Variants in CSNK2A2IP observed in about 807,000 individuals in gnomAD.
CSNK2A2IP encodes the protein casein kinase 2 subunit alpha' interacting protein.
chr3:88,421,251 G>A, the CSNK2A2IP span, among the ~76,000 whole-genome samples: 2 of 151,892 alleles, frequency 1.3e-5, no homozygotes, highest in African/African-American at 2.4e-5. Context: ...TCCATGTCTT[G>A]GCTTCTTCAT....
At chr3:88,375,225 T>A in the CSNK2A2IP span, among the ~76,000 whole-genome samples, 1 of 151,684 alleles carries the variant, frequency 6.6e-6, no homozygotes, top group Non-Finnish European at 1.5e-5. Flanking sequence ...GAAAATCTGT[T>A]CAATAAAAAG....
chr3:88,424,090 G>A, the CSNK2A2IP span, among the ~76,000 whole-genome samples: 1 of 151,950 alleles, frequency 6.6e-6, no homozygotes. Context: ...TGATATTCAG[G>A]GAATCTCAAC....
chr3:88,370,625 TTTCTTTC>T, the CSNK2A2IP span, among the ~76,000 whole-genome samples: 1 of 151,290 alleles, frequency 6.6e-6, no homozygotes, highest in Non-Finnish European at 1.5e-5. Context: ...TCTTTCTTTC[TTTCTTTC>T]TTTTCTCTCT....
the CSNK2A2IP span, among the ~76,000 whole-genome samples, chr3:88,441,308 T>G: frequency 1.3e-5 from 2 of 152,184 alleles, no homozygotes; most frequent in Non-Finnish European, 2.9e-5. Flanking sequence ...TACTCCATAT[T>G]TCTACTCAAA....
chr3:88,449,348 A>T, the CSNK2A2IP span, among the ~76,000 whole-genome samples: 3 of 152,284 alleles, frequency 2.0e-5, no homozygotes, highest in Non-Finnish European at 4.4e-5. Context: ...AGTGTGCAAA[A>T]TAAATGCTTT....
At chr3:88,372,389 C>T in the CSNK2A2IP span, among the ~76,000 whole-genome samples, 1 of 151,272 alleles carries the variant, frequency 6.6e-6, no homozygotes, top group Admixed American at 6.6e-5. Flanking sequence ...TTGTTACAAG[C>T]TTCCTATATA....
At chr3:88,356,174 AAC>A in the CSNK2A2IP span, among the ~76,000 whole-genome samples, 1 of 152,108 alleles carries the variant, frequency 6.6e-6, no homozygotes, top group Admixed American at 6.6e-5. Context: ...CATGCTACTG[AAC>A]ACTAGAACTT....
the CSNK2A2IP span, among the ~76,000 whole-genome samples, chr3:88,359,690 A>C: frequency 1.3e-5 from 2 of 152,106 alleles, no homozygotes; most frequent in African/African-American, 4.8e-5. Flanking sequence ...TCTTCTTGTT[A>C]TTAATTTCTA....
chr3:88,409,080 G>A, the CSNK2A2IP span, among the ~76,000 whole-genome samples: 2 of 151,996 alleles, frequency 1.3e-5, no homozygotes, highest in Admixed American at 6.6e-5. Context: ...ACGAAAACTA[G>A]TGATAATTGA....
At chr3:88,384,477 G>A in the CSNK2A2IP span, among the ~76,000 whole-genome samples, 3 of 152,126 alleles carry the variant, frequency 2.0e-5, no homozygotes, top group Non-Finnish European at 4.4e-5. Flanking sequence ...AAAGAACATG[G>A]CAGGAGTGAG....
chr3:88,418,234 A>T, the CSNK2A2IP span, among the ~76,000 whole-genome samples: 4 of 151,984 alleles, frequency 2.6e-5, no homozygotes, highest in Admixed American at 6.6e-5. Flanking sequence ...AGGTGGGGAG[A>T]GGTATTTTGA....
At chr3:88,387,589 C>T in the CSNK2A2IP span, among the ~76,000 whole-genome samples, 5 of 152,072 alleles carry the variant, frequency 3.3e-5, no homozygotes, top group Admixed American at 6.6e-5. Flanking sequence ...TCATCATTAC[C>T]ATAATAATCT....
the CSNK2A2IP span, among the ~76,000 whole-genome samples, chr3:88,377,681 T>C: frequency 1.3e-5 from 2 of 151,884 alleles, no homozygotes; most frequent in Non-Finnish European, 2.9e-5. Context: ...ACAAATCTTA[T>C]AACACAGTCA....
chr3:88,424,201 C>T, the CSNK2A2IP span, among the ~76,000 whole-genome samples: 3 of 152,296 alleles, frequency 2.0e-5, no homozygotes, highest in Admixed American at 1.3e-4. Context: ...TAATTGAACT[C>T]ATAATCTTTG....
chr3:88,414,347 AC>A, the CSNK2A2IP span, among the ~76,000 whole-genome samples: 1 of 119,530 alleles, frequency 8.4e-6, no homozygotes, highest in Non-Finnish European at 1.6e-5. Context: ...AAAAGCCTTG[AC>A]CTCTGCTCAC....
chr3:88,392,095 G>T, the CSNK2A2IP span, among the ~76,000 whole-genome samples: 8 of 152,278 alleles, frequency 5.3e-5, no homozygotes, highest in East Asian at 1.5e-3. Flanking sequence ...GAAAACCAGG[G>T]AATAGCTAGG....
the CSNK2A2IP span, among the ~76,000 whole-genome samples, chr3:88,364,022 T>C: frequency 6.6e-6 from 1 of 152,166 alleles, no homozygotes; most frequent in East Asian, 1.9e-4. Flanking sequence ...CAATACTCTC[T>C]TCTTTGATAG....
the CSNK2A2IP span, chr3:88,431,192 G>A: frequency 6.6e-6 from 1 of 152,194 alleles, no homozygotes; most frequent in Non-Finnish European, 1.5e-5. Flanking sequence ...TAAGTTTGGG[G>A]CTGGTCTGAA....
chr3:88,388,984 C>CA, the CSNK2A2IP span, among the ~76,000 whole-genome samples: 139,603 of 151,638 alleles, frequency 0.92, 65,067 homozygotes, highest in South Asian at 1. Flanking sequence ...AACAATGAAC[C>CA]AGCAGACCAA....
Sources: allele counts gnomAD v4.1 joint callset (sites outside exome capture counted in the v4.1 genomes callset), GRCh38; gene constraint gnomAD v4.1.1; transcripts MANE v1.5; gene names NCBI Gene and HGNC (gene_info 2026-07-23, HGNC 2026-07-21).